Variants in SLC8A1 observed in about 807,000 individuals in gnomAD.
The protein encoded by SLC8A1 is solute carrier family 8 member A1, also known as sodium/calcium exchanger 1.
SLC8A1 carries 18 observed loss-of-function variants against 68.3 expected under a neutral mutation model. That is an observed-to-expected ratio of 0.26 (90% CI 0.18 to 0.39). The LOEUF (loss-of-function observed/expected upper bound fraction) is 0.39. Ranked by LOEUF, SLC8A1 falls within the 10% of genes least tolerant of loss-of-function variation. The probability of loss-of-function intolerance (pLI) is 1.00; values close to 1 mark genes in which losing one functional copy is unlikely to be tolerated. For synonymous variants in SLC8A1, 475 were observed against 415.5 expected (o/e 1.14, Z -1.74); for missense variants, 985 against 1,156.7 (o/e 0.85, Z 2.15).
chr2:40,485,888 T>A (rs1054969049), intron 1 of SLC8A1, among the ~76,000 whole-genome samples: 3 of 152,184 alleles, frequency 2.0e-5, no homozygotes, highest in Non-Finnish European at 4.4e-5. Context: ...CACTCAATAT[T>A]TGTTTAAAGA....
intron 2 of SLC8A1, among the ~76,000 whole-genome samples, chr2:40,337,624 C>CT (rs1164543846): frequency 6.6e-6 from 1 of 152,126 alleles, no homozygotes; most frequent in African/African-American, 2.4e-5. Context: ...TCTCTGTATA[C>CT]TTTAACCACA....
At chr2:40,482,349 T>G (rs1704684493) in intron 1 of SLC8A1, among the ~76,000 whole-genome samples, 1 of 152,178 alleles carries the variant, frequency 6.6e-6, no homozygotes, top group Admixed American at 6.5e-5. Context: ...TTGTAAGGGT[T>G]GAAGCTTATA....
At chr2:40,236,082 T>C (rs1392058181) in intron 2 of SLC8A1, among the ~76,000 whole-genome samples, 2 of 152,110 alleles carry the variant, frequency 1.3e-5, no homozygotes, top group Non-Finnish European at 2.9e-5. Flanking sequence ...TTCTGTTGAT[T>C]TGGGGTGGAC....
At chr2:40,362,330 A>G (rs1239316385) in intron 2 of SLC8A1, among the ~76,000 whole-genome samples, 1 of 152,150 alleles carries the variant, frequency 6.6e-6, no homozygotes, top group East Asian at 1.9e-4. Context: ...ACACAAAACC[A>G]GTGTTAGCAT....
intron 2 of SLC8A1, among the ~76,000 whole-genome samples, chr2:40,345,403 A>T (rs1668931241): frequency 1.3e-5 from 2 of 152,174 alleles, no homozygotes; most frequent in South Asian, 4.1e-4. Flanking sequence ...TTTATACCAC[A>T]TGTAGGGAAG....
At chr2:40,120,896 TC>T (rs1426892017) in intron 7 of SLC8A1, 2 of 152,208 alleles carry the variant, frequency 1.3e-5, no homozygotes, top group African/African-American at 4.8e-5. Flanking sequence ...TGACCATGTT[TC>T]AAAGGCTGTG....
At chr2:40,173,159 G>A (rs1485484250) in intron 4 of SLC8A1, among the ~76,000 whole-genome samples, 1 of 152,096 alleles carries the variant, frequency 6.6e-6, no homozygotes, top group African/African-American at 2.4e-5. Context: ...ATGAAGACTG[G>A]CTTGCCAAAT....
chr2:40,156,154 C>T (rs551598876), intron 6 of SLC8A1, among the ~76,000 whole-genome samples: 13 of 152,290 alleles, frequency 8.5e-5, no homozygotes, highest in South Asian at 6.2e-4. Flanking sequence ...CAAAATCCAA[C>T]GGGCCATGAA....
intron 2 of SLC8A1, among the ~76,000 whole-genome samples, chr2:40,339,923 G>A (rs1050904218): frequency 1.3e-5 from 2 of 152,176 alleles, no homozygotes. Flanking sequence ...CACAAATTCA[G>A]GTGACAAAGC....
intron 6 of SLC8A1, among the ~76,000 whole-genome samples, chr2:40,147,487 A>C (rs1031742882): frequency 2.6e-5 from 4 of 152,194 alleles, no homozygotes; most frequent in African/African-American, 9.6e-5. Context: ...ATTGGTACTC[A>C]GCAAGTGTAG....
At chr2:40,403,910 C>CT (rs1398510198) in intron 2 of SLC8A1, among the ~76,000 whole-genome samples, 1 of 152,036 alleles carries the variant, frequency 6.6e-6, no homozygotes, top group East Asian at 1.9e-4. Context: ...AAGTAAAAAG[C>CT]TTTTTTTCTG....
intron 2 of SLC8A1, among the ~76,000 whole-genome samples, chr2:40,184,490 G>A (rs1362146233): frequency 6.6e-6 from 1 of 152,156 alleles, no homozygotes; most frequent in African/African-American, 2.4e-5. Flanking sequence ...GTATAGGTGA[G>A]AAAACACCTT....
At chr2:40,201,500 T>C (rs2054354729) in intron 2 of SLC8A1, among the ~76,000 whole-genome samples, 1 of 151,922 alleles carries the variant, frequency 6.6e-6, no homozygotes, top group Non-Finnish European at 1.5e-5. Context: ...CAAAATTATC[T>C]CCAGTTAGGA....
intron 2 of SLC8A1, among the ~76,000 whole-genome samples, chr2:40,277,821 T>TATATATATATATATATAC (rs1553469384): frequency 1.5e-5 from 2 of 137,376 alleles, no homozygotes; most frequent in African/African-American, 5.3e-5. Flanking sequence ...TATATATATA[T>TATATATATATATATATAC]ATATATATAT....
At chr2:40,182,899 G>A (rs1483642949) in intron 2 of SLC8A1, among the ~76,000 whole-genome samples, 1 of 152,130 alleles carries the variant, frequency 6.6e-6, no homozygotes, top group Non-Finnish European at 1.5e-5. Context: ...GAGAAGATCA[G>A]GAAAGGATGA....
At chr2:40,447,748 G>T (rs1016484892) in intron 1 of SLC8A1, among the ~76,000 whole-genome samples, 5 of 152,042 alleles carry the variant, frequency 3.3e-5, no homozygotes, top group African/African-American at 7.2e-5. Flanking sequence ...ATACTATTTT[G>T]CCCAAGAAAT....
intron 1 of SLC8A1, among the ~76,000 whole-genome samples, chr2:40,478,045 A>G (rs1450694147): frequency 1.3e-5 from 2 of 152,124 alleles, no homozygotes; most frequent in Admixed American, 6.5e-5. Context: ...CAAACTGTGA[A>G]AGTCAGTAAT....
intron 2 of SLC8A1, among the ~76,000 whole-genome samples, chr2:40,190,112 A>C (rs934714677): frequency 6.6e-6 from 1 of 152,192 alleles, no homozygotes; most frequent in Admixed American, 6.6e-5. Context: ...TTTGTTCTGT[A>C]ACAAAAAATT....
At chr2:40,160,678 C>G in intron 6 of SLC8A1, 87 bp downstream of exon 9, 1 of 1,152,458 alleles carries the variant, frequency 8.7e-7, no homozygotes, top group Non-Finnish European at 1.3e-6. Context: ...CCCTTTGGTG[C>G]TTTGCCATAG....
Sources: gnomAD v4.1 joint callset for allele counts (sites outside exome capture counted in the v4.1 genomes callset) on GRCh38, gnomAD v4.1.1 for gene constraint, MANE v1.5 for transcripts, NCBI Gene and HGNC (gene_info 2026-07-23, HGNC 2026-07-21) for gene names.